CEP128: variants seen among roughly 807,000 people sequenced by gnomAD.
The protein encoded by CEP128 is centrosomal protein 128kDa.
A neutral mutation model predicts 156.7 loss-of-function variants in CEP128; 132 were observed. That is an observed-to-expected ratio of 0.84 (90% confidence interval 0.73 to 0.97). The LOEUF is 0.97. Ranked by LOEUF, CEP128 falls within the 50% of genes least tolerant of loss-of-function variation. CEP128 has a pLI of 0.00. For synonymous variants in CEP128, 469 were observed against 448.9 expected, an observed-to-expected ratio of 1.04 and a Z score of -0.57; for missense variants, 1,252 against 1,281.9, an observed-to-expected ratio of 0.98 and a Z score of 0.36.
chr14:80,609,268 A>AT lies in CEP128; in HGVS notation c.2807-28846dup, dbSNP rs573463417. ...AATTGGGAAGGGCTAGGCATGACTC[A>AT]TTTTTTTTTTCCAAAAAGTAACCTT... On this transcript the variant is annotated intron_variant, in intron 19 of 24. Transcript: ENST00000555265. Among the ~76,000 whole-genome samples, 227 of 149,984 alleles carry AT rather than the reference A, an allele frequency of 1.5e-3. 1 individual carries two copies. Among genetic ancestry groups the AT allele is most frequent in the Non-Finnish European group, 2.8e-3 (188 of 67,306 alleles).
intron 7 of CEP128, among the ~76,000 whole-genome samples, chr14:80,899,533 A>G (rs1004084093): frequency 6.6e-6 from 1 of 152,174 alleles, no homozygotes; most frequent in Non-Finnish European, 1.5e-5. Flanking sequence ...AAAGTATTGG[A>G]TTCTACAATG....
At chr14:80,515,437 C>G (rs1319692543) in intron 23 of CEP128, among the ~76,000 whole-genome samples, 1 of 152,196 alleles carries the variant, frequency 6.6e-6, no homozygotes, top group African/African-American at 2.4e-5. Context: ...TTTTCACTCT[C>G]CTTTCCTCAT....
In CEP128 at chr14:80,579,251, G is replaced by C. The variant is rs575139634; in HGVS notation, c.2856+1123C>G. ...GCTTTTTATAACAACAAGCATTGCT[G>C]ATATTAGTTTCACAGAGATAGGCAG... On this transcript the variant is annotated intron_variant, in intron 20 of 24. Transcript: ENST00000555265. Among the ~76,000 whole-genome samples, 6 of 151,898 alleles carry C rather than the reference G, an allele frequency of 4.0e-5. No individual in the cohort carries two copies. The East Asian group carries it at 1.2e-3, about 29-fold the overall frequency.
At chr14:80,593,720 C>T (rs1892188597) in intron 19 of CEP128, among the ~76,000 whole-genome samples, 3 of 152,070 alleles carry the variant, frequency 2.0e-5, no homozygotes, top group Non-Finnish European at 2.9e-5. Flanking sequence ...CTCTCATTCA[C>T]AATTGCTACA....
At chr14:80,563,989 T>C (rs8013010) in intron 20 of CEP128, among the ~76,000 whole-genome samples, 14,670 of 152,252 alleles carry the variant, frequency 0.096, 865 homozygotes, top group Non-Finnish European at 0.13. Context: ...ATTATGACTA[T>C]AACTAAGGGC....
At chr14:80,661,547 A>G (rs1303885206) in intron 19 of CEP128, among the ~76,000 whole-genome samples, 1 of 152,174 alleles carries the variant, frequency 6.6e-6, no homozygotes, top group East Asian at 1.9e-4. Context: ...TTCAACGAGA[A>G]TATTTGTATA....
At chr14:80,955,317 C>T in intron 2 of CEP128, 1 of 297,950 alleles carries the variant, frequency 3.4e-6, no homozygotes, top group Non-Finnish European at 5.8e-6. Flanking sequence ...CTAAACTAGG[C>T]TTTGGAGAGA....
chr14:80,814,538 T>A (rs567487858), intron 13 of CEP128, among the ~76,000 whole-genome samples: 1 of 152,134 alleles, frequency 6.6e-6, no homozygotes, highest in Non-Finnish European at 1.5e-5. Context: ...ATCTGGAAAC[T>A]GTCCTAAGGG....
intron 19 of CEP128, among the ~76,000 whole-genome samples, chr14:80,729,606 G>C (rs77203626): frequency 6.6e-6 from 1 of 152,144 alleles, no homozygotes; most frequent in Non-Finnish European, 1.5e-5. Flanking sequence ...GGGAATATCC[G>C]TATTGTTTTT....
intron 9 of CEP128, among the ~76,000 whole-genome samples, chr14:80,850,944 T>A (rs1886859534): frequency 6.6e-6 from 1 of 152,336 alleles, no homozygotes; most frequent in African/African-American, 2.4e-5. Context: ...TCTTGAAGAA[T>A]GTTTATGGAA....
At chr14:80,949,720 G>T (rs12050077) in intron 2 of CEP128, among the ~76,000 whole-genome samples, 1 of 151,866 alleles carries the variant, frequency 6.6e-6, no homozygotes, top group South Asian at 2.1e-4. Context: ...TACATCTGAC[G>T]ACAAATCTCA....
intron 19 of CEP128, among the ~76,000 whole-genome samples, chr14:80,658,187 T>G (rs1895255849): frequency 6.6e-6 from 1 of 152,224 alleles, no homozygotes; most frequent in Non-Finnish European, 1.5e-5. Flanking sequence ...AATTTGTCAT[T>G]TCTGATCTGA....
chr14:80,916,614 TAA>T, intron 2 of CEP128, 52 bp from the exon 3 acceptor site: 1 of 1,399,606 alleles, frequency 7.1e-7, no homozygotes, highest in Non-Finnish European at 9.9e-7. Context: ...AGCATGGAAA[TAA>T]AAGACTAATA....
intron 21 of CEP128, among the ~76,000 whole-genome samples, 184 bp downstream of exon 21, chr14:80,559,095 T>C (rs934779325): frequency 6.6e-6 from 1 of 152,218 alleles, no homozygotes; most frequent in Non-Finnish European, 1.5e-5. Flanking sequence ...TATTTAATTT[T>C]TTTTCATTTT....
At chr14:80,733,339 CGTGTGTGTGTGTGTGTGTGTGT>C (rs55964142) in intron 19 of CEP128, among the ~76,000 whole-genome samples, 32 of 140,134 alleles carry the variant, frequency 2.3e-4, no homozygotes, top group African/African-American at 8.7e-4. Context: ...CCACATGGGT[CGTGTGTGTGTGTGTGTGTGTGT>C]GTGTGTGTGT....
intron 8 of CEP128, among the ~76,000 whole-genome samples, chr14:80,887,473 T>C (rs913000662): frequency 3.3e-5 from 5 of 151,990 alleles, no homozygotes; most frequent in African/African-American, 9.7e-5. Flanking sequence ...GATTAAGAAA[T>C]TCTCTCAAAA....
At chr14:80,832,071 T>C (rs1885832334) in intron 12 of CEP128, among the ~76,000 whole-genome samples, 2 of 152,180 alleles carry the variant, frequency 1.3e-5, no homozygotes, top group South Asian at 4.1e-4. Flanking sequence ...TGAGATCTGA[T>C]GGTTTTATAA....
intron 19 of CEP128, among the ~76,000 whole-genome samples, chr14:80,705,661 T>C (rs973384843): frequency 2.0e-5 from 3 of 152,110 alleles, no homozygotes; most frequent in African/African-American, 7.2e-5. Flanking sequence ...CCAGGCTAGG[T>C]TAGAAAAGGC....
In CEP128 at chr14:80,957,523, T is replaced by A. The variant is rs143582560; in HGVS notation, c.-172+655A>T. Among the ~76,000 whole-genome samples the A allele has an allele frequency of 8.4e-3, 1,283 of 151,872 alleles. 15 individuals are homozygous for A. Among genetic ancestry groups the A allele is most frequent in the Middle Eastern group, 0.017 (5 of 290 alleles). On this transcript the variant is annotated intron_variant, in intron 2 of 7. Coordinates refer to the CEP128 transcript ENST00000555529. ...CAAATGAATATGCCAGGTCTCTGAA[T>A]GTCCACTCTATGTTGGGGAGAAAGA...
Sources: allele counts gnomAD v4.1 joint callset (sites outside exome capture counted in the v4.1 genomes callset), GRCh38; gene constraint gnomAD v4.1.1; transcripts MANE v1.5; gene names NCBI Gene and HGNC (gene_info 2026-07-23, HGNC 2026-07-21).